Variants in EMC1 observed in about 807,000 individuals in gnomAD.
EMC1 encodes the protein ER membrane protein complex subunit 1.
In EMC1, 103 loss-of-function variants were observed where a neutral mutation model predicts 128.8. That is an observed-to-expected ratio of 0.80 (90% CI 0.68 to 0.94). The LOEUF (loss-of-function observed/expected upper bound fraction) is 0.94. EMC1 is among the 40% of genes least tolerant of loss of function. The pLI, the probability that EMC1 is intolerant of heterozygous loss-of-function variation, is 0.00. For missense variants in EMC1, 1,083 were observed against 1,250.6 expected, an observed-to-expected ratio of 0.87 and a Z score of 2.02; for synonymous variants, 442 against 490.4, an observed-to-expected ratio of 0.90 and a Z score of 1.30.
Position 19,233,052 on chromosome 1 carries a change from A to C in EMC1, c.1516T>G (p.Phe506Val), listed in dbSNP as rs2093535980. 6.2e-7 allele frequency: 1 copy of C among 1,614,100 alleles called. No homozygotes were observed. The highest frequency in any genetic ancestry group is 8.5e-7 in the Non-Finnish European group (1 of 1,180,054). ...CTCCGGGGCTTCCGAGCATCATAAA[A>C]CATTTTCCAGAGGTGGGAAGTCCAT... Reference protein sequence around the residue: ...QAWTSHLWKMFYDARKPRSQI... With the variant: ...QAWTSHLWKMVYDARKPRSQI... Residue 506 changes from phenylalanine (F) to valine (V), a missense_variant, in exon 14 of 23, where the codon TTT becomes GTT. Physicochemically the swap from Phe to Val is conservative, Grantham distance 50 (BLOSUM62 -1). This residue lies in a region of EMC1 where 527 missense variants were observed against 644.1 expected (regional missense o/e 0.82). Transcript: ENST00000477853.
chr1:19,247,390 T>C (rs1038329606), intron 1 of EMC1, among the ~76,000 whole-genome samples: 7 of 152,186 alleles, frequency 4.6e-5, no homozygotes, highest in Non-Finnish European at 2.9e-5. Flanking sequence ...TGCAAAACAA[T>C]GTTTCAGTCA....
chr1:19,243,754 C>G (rs757586317), intron 3 of EMC1, 47 bp from the exon 4 acceptor site: 11 of 1,593,386 alleles, frequency 6.9e-6, no homozygotes, highest in Admixed American at 1.7e-5. Flanking sequence ...CTTGCTCTGT[C>G]GCTTCCTAGG....
intron 14 of EMC1, 38 bp downstream of exon 14, chr1:19,232,898 T>TGAAAAGGTTCAGTAACTGGAGCTTAA (rs754081638): frequency 6.2e-7 from 1 of 1,609,836 alleles, no homozygotes; most frequent in South Asian, 1.1e-5. Context: ...CCTCAGAATT[T>TGAAAAGGTTCAGTAACTGGAGCTTAA]GAAAAGGTTC....
At chr1:19,246,862 T>G (rs187191403) in intron 1 of EMC1, among the ~76,000 whole-genome samples, 1 of 152,294 alleles carries the variant, frequency 6.6e-6, no homozygotes, top group East Asian at 1.9e-4. Flanking sequence ...CCTCAAAAAC[T>G]CCTGTGTTGA....
Position 19,238,835 on chromosome 1 carries a change from T to C in EMC1, c.1049A>G (p.Asp350Gly), listed in dbSNP as rs1283993580. 2 of 1,611,150 alleles carry C rather than the reference T, an allele frequency of 1.2e-6. No individual in the cohort carries two copies. Among genetic ancestry groups the C allele is most frequent in the Admixed American group, 1.7e-5 (1 of 59,990 alleles). Reference sequence around the variant, plus strand: ...CTCCGAAAAGCTCCCCATTGACCCATCTTCAGAACTGCTACTTTTCTGCTA... The same window carrying C: ...CTCCGAAAAGCTCCCCATTGACCCACCTTCAGAACTGCTACTTTTCTGCTA... ...NEVQKSSSSE[D>G]GSMGSFSEKS... Residue 350 changes from aspartate to glycine, a missense_variant, in exon 10 of 23, where the codon GAT (aspartate) becomes GGT (glycine). Physicochemically the swap from Asp to Gly is moderately conservative, Grantham distance 94. This residue lies in a region of EMC1 where 544 missense variants were observed against 572.4 expected (regional missense o/e 0.95). Coordinates refer to ENST00000477853, the MANE Select transcript of EMC1 (RefSeq NM_015047.3).
intron 11 of EMC1, among the ~76,000 whole-genome samples, 184 bp from the exon 12 acceptor site, chr1:19,237,422 T>C (rs2093573776): frequency 6.6e-6 from 1 of 152,192 alleles, no homozygotes; most frequent in Admixed American, 6.5e-5. Flanking sequence ...GCCAACATAA[T>C]GATGCTGGGG....
rs754044117 is a variant in EMC1 at position 19,223,380 on chromosome 1, G to A, written c.2376+16C>T. On this transcript the variant is annotated intron_variant, in intron 19 of 22. Transcript: ENST00000477853. ...ACCTCTGGAGCTACCTTGGGTCCCT[G>A]GTAGTGACCGCTTACCACCACCCAG... The A allele has an allele frequency of 1.2e-6, 2 of 1,610,500 alleles. No individual in the cohort carries two copies. The highest frequency in any genetic ancestry group is 1.7e-6 in the Non-Finnish European group (2 of 1,176,988).
chr1:19,250,814 A>AACT (rs1453849565), intron 1 of EMC1, among the ~76,000 whole-genome samples: 1 of 152,206 alleles, frequency 6.6e-6, no homozygotes, highest in Admixed American at 6.5e-5. Context: ...CACAAGTCTT[A>AACT]ACTAGTAAAA....
At chr1:19,231,038 C>A (rs2093517401) in intron 16 of EMC1, 75 bp from the exon 17 acceptor site, 1 of 1,567,934 alleles carries the variant, frequency 6.4e-7, no homozygotes, top group Non-Finnish European at 8.7e-7. Context: ...AATAAAACTG[C>A]AAATCAGTTG....
chr1:19,242,284 G>C, intron 5 of EMC1, 61 bp downstream of exon 5: 11 of 1,598,200 alleles, frequency 6.9e-6, no homozygotes, highest in Non-Finnish European at 9.4e-6. Flanking sequence ...CCCTCGAGGA[G>C]AAAGAGGAGC....
chr1:19,230,128 C>G (rs557554461), intron 17 of EMC1, among the ~76,000 whole-genome samples: 23 of 152,312 alleles, frequency 1.5e-4, no homozygotes, highest in African/African-American at 5.5e-4. Context: ...AGCAAACTGA[C>G]CCCCTTTCTA....
At position 19,223,528 on chromosome 1, in the gene EMC1, T is replaced by A. The variant is rs769979785; in HGVS notation, c.2244A>T (p.Thr748=). ...TAAAGGTGCGCTCATGGTGCGCGTCTGTGCTCTCTGTCACCACGGCCAGCA... is the reference window on the plus strand; with the variant it reads ...TAAAGGTGCGCTCATGGTGCGCGTCAGTGCTCTCTGTCACCACGGCCAGCA... ...PNLLAVVTES[T]DAHHERTFIG... Residue 748 remains threonine, a synonymous_variant, in exon 19 of 23, where the codon ACA becomes ACT. Coordinates refer to ENST00000477853, the MANE Select transcript of EMC1 (RefSeq NM_015047.3). 4 of 1,614,058 alleles carry A rather than the reference T, an allele frequency of 2.5e-6. No individual in the cohort carries two copies. The African/African-American group carries it at 4.0e-5, about 16-fold the overall frequency.
In EMC1 at chr1:19,227,183, A is replaced by C. The variant is rs1251784936; in HGVS notation, c.2202+130T>G. On this transcript the variant is annotated intron_variant, in intron 18 of 22. Coordinates refer to ENST00000477853, the MANE Select transcript of EMC1 (RefSeq NM_015047.3). ...TATTATCCCCATTTCACAAACAAAA[A>C]TTAAGGCTCAAAGGGATTAAATGAC... 4 of 1,007,328 alleles carry C rather than the reference A, an allele frequency of 4.0e-6. No individual in the cohort carries two copies. The Admixed American group carries it at 1.0e-4, about 26-fold the overall frequency. 62.4% of individuals were successfully genotyped at this position (1,007,328 alleles called of 1,614,324 possible).
At chr1:19,243,561 T>C in intron 4 of EMC1, 53 bp downstream of exon 4, 2 of 1,495,080 alleles carry the variant, frequency 1.3e-6, no homozygotes, top group Non-Finnish European at 1.9e-6. Flanking sequence ...TGCAGATCTG[T>C]GTTCCGGTGA....
chr1:19,242,393 T>C lies in EMC1; in HGVS notation c.461A>G (p.His154Arg), dbSNP rs145790651. The C allele has an allele frequency of 1.2e-6, 2 of 1,614,082 alleles. No individual in the cohort carries two copies. Residue 154 changes from histidine to arginine, a missense_variant, in exon 5 of 23, where the codon CAT (histidine) becomes CGT (arginine). Coordinates refer to ENST00000477853, the MANE Select transcript of EMC1 (RefSeq NM_015047.3). ...AVLKKTTLALHHLSSGHLKWV... is the reference protein window; with the variant it reads ...AVLKKTTLALRHLSSGHLKWV... ...CTTGAGGTGCCCACTGGAGAGGTGA[T>C]GGAGGGCAAGTGTAGTCTTCTTCAG...
chr1:19,248,565 G>A (rs913695117), intron 1 of EMC1, among the ~76,000 whole-genome samples: 8 of 152,136 alleles, frequency 5.3e-5, no homozygotes, highest in South Asian at 2.1e-4. Flanking sequence ...GACTACAGGC[G>A]TGTGCCACCA....
At chr1:19,238,937 C>G in intron 9 of EMC1, 80 bp from the exon 10 acceptor site, 2 of 1,024,838 alleles carry the variant, frequency 2.0e-6, no homozygotes, top group Non-Finnish European at 3.1e-6. Flanking sequence ...TTGTTTTTGT[C>G]TTCTTAGCAC....
chr1:19,220,870 T>A, intron 20 of EMC1, 22 bp from the exon 21 acceptor site: 1 of 1,551,982 alleles, frequency 6.4e-7, no homozygotes, highest in Non-Finnish European at 8.9e-7. Flanking sequence ...GAAGTGAATG[T>A]TCACACCGAT....
intron 17 of EMC1, among the ~76,000 whole-genome samples, chr1:19,228,474 T>C (rs1374178217): frequency 2.6e-5 from 4 of 152,168 alleles, no homozygotes; most frequent in African/African-American, 7.2e-5. Context: ...TATGGAATTA[T>C]GCGGAGCCCT....
Sources: allele counts gnomAD v4.1 joint callset (sites outside exome capture counted in the v4.1 genomes callset), GRCh38; gene constraint gnomAD v4.1.1; regional missense constraint gnomAD v4.1.1; transcripts MANE v1.5; gene names NCBI Gene and HGNC (gene_info 2026-07-23, HGNC 2026-07-21).